The following ANKS1A variants were observed in gnomAD, a reference collection of about 807,000 sequenced individuals.
ANKS1A encodes ankyrin repeat and sterile alpha motif domain containing 1A.
A neutral mutation model predicts 120.3 loss-of-function variants in ANKS1A; 55 were observed. The observed-to-expected ratio is 0.46, with a 90% CI of 0.37 to 0.57. The LOEUF (loss-of-function observed/expected upper bound fraction) is 0.57. Ranked by LOEUF, ANKS1A falls within the 20% of genes least tolerant of loss-of-function variation. The pLI, the probability that ANKS1A is intolerant of heterozygous loss-of-function variation, is 0.00. For synonymous variants in ANKS1A, 590 were observed against 604.7 expected (o/e 0.98, Z 0.36); for missense variants, 1,123 against 1,480.3 (o/e 0.76, Z 3.96).
intron 1 of ANKS1A, among the ~76,000 whole-genome samples, chr6:34,905,230 T>TA (rs1561839228): frequency 6.6e-6 from 1 of 152,242 alleles, no homozygotes; most frequent in Non-Finnish European, 1.5e-5. Context: ...TTTTGACACT[T>TA]ACCACATCAT....
chr6:34,903,111 G>A (rs1767443670), intron 1 of ANKS1A, among the ~76,000 whole-genome samples: 1 of 152,158 alleles, frequency 6.6e-6, no homozygotes, highest in South Asian at 2.1e-4. Flanking sequence ...AATGCTGCTA[G>A]TACTAGCAGA....
intron 10 of ANKS1A, among the ~76,000 whole-genome samples, chr6:35,007,755 G>A (rs750096542): frequency 3.3e-5 from 5 of 152,228 alleles, no homozygotes; most frequent in South Asian, 4.1e-4. Flanking sequence ...ACTTTCTGGC[G>A]TGCAGTTACA....
At chr6:35,068,010 C>T (rs1253194839) in intron 13 of ANKS1A, among the ~76,000 whole-genome samples, 3 of 151,396 alleles carry the variant, frequency 2.0e-5, no homozygotes, top group Non-Finnish European at 4.4e-5. Flanking sequence ...TCTCCTGCCT[C>T]GGCCTCCTGT....
At chr6:34,952,805 G>A (rs1353035358) in intron 1 of ANKS1A, among the ~76,000 whole-genome samples, 1 of 151,890 alleles carries the variant, frequency 6.6e-6, no homozygotes, top group African/African-American at 2.4e-5. Context: ...CACCTCCCGG[G>A]TTCAAGTGAT....
intron 1 of ANKS1A, among the ~76,000 whole-genome samples, chr6:34,936,061 CAAAA>C (rs34851777): frequency 5.5e-5 from 2 of 36,308 alleles, no homozygotes; most frequent in Non-Finnish European, 5.9e-5. Flanking sequence ...GACTCCGTCT[CAAAA>C]AAAAAAAAAA....
Position 35,088,905 on chromosome 6 carries a change from A to G in ANKS1A, c.*296A>G. ...TTTAACAGAAAAAAAATCTTTTTAT[A>G]AAATGAACTTTTAACACTTGGCTCA... On this transcript the variant is annotated 3_prime_UTR_variant, in exon 24 of 24. Coordinates refer to ENST00000360359, the MANE Select transcript of ANKS1A (RefSeq NM_015245.3). The G allele has an allele frequency of 7.2e-7, 1 of 1,390,362 alleles. No individual in the cohort carries two copies. Among genetic ancestry groups the G allele is most frequent in the South Asian group, 1.6e-5 (1 of 63,590 alleles). 86.1% of individuals were successfully genotyped at this position (1,390,362 alleles called of 1,614,324 possible).
At chr6:35,096,011 C>T (rs1778461543), downstream of ANKS1A, among the ~76,000 whole-genome samples, 1 of 152,182 alleles carries the variant, frequency 6.6e-6, no homozygotes, top group Non-Finnish European at 1.5e-5. Flanking sequence ...ATATCATTTT[C>T]TTTTATTAGA....
chr6:35,089,013 C>G lies in ANKS1A; in HGVS notation c.*404C>G. On this transcript the variant is annotated 3_prime_UTR_variant, in exon 24 of 24. Transcript: ENST00000360359. ...GAGCTGAGGTTGGTTCAGAGGCCAG[C>G]CTGCATAGCCTCTGTCCTCAGGACG... The G allele has an allele frequency of 1.8e-6, 2 of 1,142,688 alleles. No individual in the cohort carries two copies. Among genetic ancestry groups the G allele is most frequent in the Non-Finnish European group, 1.1e-6 (1 of 922,118 alleles). 70.8% of individuals were successfully genotyped at this position (1,142,688 alleles called of 1,614,324 possible).
intron 3 of ANKS1A, among the ~76,000 whole-genome samples, chr6:34,972,868 G>A (rs1771255337): frequency 6.6e-6 from 1 of 152,028 alleles, no homozygotes; most frequent in East Asian, 1.9e-4. Flanking sequence ...AATGGTGGGT[G>A]GTTTTTTCTG....
intron 16 of ANKS1A, among the ~76,000 whole-genome samples, chr6:35,080,363 C>T (rs900968462): frequency 6.6e-6 from 1 of 152,238 alleles, no homozygotes; most frequent in Non-Finnish European, 1.5e-5. Flanking sequence ...CCGGTAATTC[C>T]TGACAACAGA....
intron 12 of ANKS1A, among the ~76,000 whole-genome samples, chr6:35,056,806 T>C (rs1202027408): frequency 6.6e-6 from 1 of 152,154 alleles, no homozygotes; most frequent in African/African-American, 2.4e-5. Context: ...CCCAGGCTGC[T>C]GTGTCTGCAC....
rs778587722 is a variant in ANKS1A, at chr6:34,967,206, T to A, written c.198-33T>A. Reference sequence around the variant, plus strand: ...TGGTTTGTGACTTCGGTCTGTGAAATCTATGTCTCTCTCTTTTTTTTTTCC... The same window carrying A: ...TGGTTTGTGACTTCGGTCTGTGAAAACTATGTCTCTCTCTTTTTTTTTTCC... On this transcript the variant is annotated intron_variant, in intron 1 of 23. Coordinates refer to ENST00000360359, the MANE Select transcript of ANKS1A (RefSeq NM_015245.3). The A allele has an allele frequency of 2.5e-6, 4 of 1,602,780 alleles. No homozygotes were observed. In the African/African-American group the frequency reaches 5.4e-5, roughly 22 times the overall value.
intron 3 of ANKS1A, among the ~76,000 whole-genome samples, chr6:34,978,102 G>A (rs1771700084): frequency 6.6e-6 from 1 of 152,072 alleles, no homozygotes; most frequent in Admixed American, 6.5e-5. Context: ...GGGATTACAG[G>A]CAAGCACCAC....
At chr6:35,076,754 C>T (rs370690216) in intron 13 of ANKS1A, among the ~76,000 whole-genome samples, 1 of 152,080 alleles carries the variant, frequency 6.6e-6, no homozygotes, top group Non-Finnish European at 1.5e-5. Context: ...CTCAGCCTCC[C>T]GAGTAGCTGG....
In ANKS1A at chr6:34,982,623, A is replaced by C. The variant is rs1771960399; in HGVS notation, c.733-129A>C. 2.1e-6 allele frequency: 2 copies of C among 941,540 alleles called. No homozygotes were observed. Among genetic ancestry groups the C allele is most frequent in the Admixed American group, 2.1e-5 (1 of 48,138 alleles). 58.3% of individuals were successfully genotyped at this position (941,540 alleles called of 1,614,324 possible). Reference sequence around the variant, plus strand: ...AATCCACACAAGAAAAGCTGGAAAGATAATGACAGAGGGCTTTGTGTAGTT... The same window carrying C: ...AATCCACACAAGAAAAGCTGGAAAGCTAATGACAGAGGGCTTTGTGTAGTT... On this transcript the variant is annotated intron_variant, in intron 4 of 23. Transcript: ENST00000360359. This position sits in a 1 kb window ranked among gnomAD's most constrained non-coding sequence, Gnocchi z 4.9.
chr6:34,931,712 T>A (rs1221791820), intron 1 of ANKS1A, among the ~76,000 whole-genome samples: 1 of 152,128 alleles, frequency 6.6e-6, no homozygotes, highest in African/African-American at 2.4e-5. Flanking sequence ...CCAATTTGTG[T>A]AGCACTCTTT....
At chr6:35,075,561 G>A (rs1263946285) in intron 13 of ANKS1A, among the ~76,000 whole-genome samples, 1 of 151,806 alleles carries the variant, frequency 6.6e-6, no homozygotes, top group Non-Finnish European at 1.5e-5. Context: ...GATTACAGGC[G>A]TCCGCCACCA....
At chr6:34,925,653 G>A (rs1768679762) in intron 1 of ANKS1A, among the ~76,000 whole-genome samples, 1 of 152,156 alleles carries the variant, frequency 6.6e-6, no homozygotes, top group Admixed American at 6.5e-5. Flanking sequence ...GGGTATGAGG[G>A]AAAAATAGTT....
chr6:35,093,539 G>A (rs1303851140), downstream of ANKS1A, among the ~76,000 whole-genome samples: 4 of 152,082 alleles, frequency 2.6e-5, no homozygotes, highest in African/African-American at 9.7e-5. Flanking sequence ...ATAGCAAAAT[G>A]CACCTTTGAG....
Sources: gnomAD v4.1 joint callset for allele counts (sites outside exome capture counted in the v4.1 genomes callset) on GRCh38, gnomAD v4.1.1 for gene constraint, Gnocchi (gnomAD v3.1) non-coding constraint, MANE v1.5 for transcripts, NCBI Gene and HGNC (gene_info 2026-07-23, HGNC 2026-07-21) for gene names.